Variants in KIDINS220 observed in about 807,000 individuals in gnomAD.
KIDINS220 encodes the protein kinase D interacting substrate 220.
In KIDINS220, 63 loss-of-function variants were observed where a neutral mutation model predicts 157.6. That is an observed-to-expected ratio of 0.40 (90% CI 0.33 to 0.49). The LOEUF is 0.49. KIDINS220 is among the 20% of genes least tolerant of loss of function. The probability of loss-of-function intolerance (pLI) is 0.66; values close to 1 mark genes in which losing one functional copy is unlikely to be tolerated. For missense variants in KIDINS220, 1,772 were observed against 2,171.2 expected (o/e 0.82, Z 3.65); for synonymous variants, 732 against 783.6 (o/e 0.93, Z 1.10).
chr2:8,788,613 T>A (rs199616933), intron 15 of KIDINS220, 34 bp downstream of exon 15: 6 of 1,589,420 alleles, frequency 3.8e-6, no homozygotes, highest in Admixed American at 3.6e-5. Flanking sequence ...CTGAATCTCA[T>A]TGAAGATTTC....
intron 2 of KIDINS220, among the ~76,000 whole-genome samples, chr2:8,826,381 G>C (rs938078106): frequency 6.6e-6 from 1 of 152,144 alleles, no homozygotes; most frequent in African/African-American, 2.4e-5. Context: ...GGCCAAGGTG[G>C]GCGGATCAAC....
Position 8,802,951 on chromosome 2 carries a change from T to G in KIDINS220, c.780A>C (p.Thr260=). 1 of 1,613,978 alleles carries G rather than the reference T, an allele frequency of 6.2e-7. No homozygotes were observed. The highest frequency in any genetic ancestry group is 8.5e-7 in the Non-Finnish European group (1 of 1,179,964). ...CTACCCTGTCAGGTATGTTCACATA[T>G]GTTCCAGCGTCGAGCAGATCCTGCA... The part of the protein sequence containing the change: ...EIVQDLLDAG[T]YVNIPDRSGD... The change falls in exon 8 of 30, where the codon ACA becomes ACC. Residue 260 remains threonine (T), a synonymous_variant. Transcript: ENST00000256707.
intron 10 of KIDINS220, 143 bp from the exon 11 acceptor site, chr2:8,797,012 C>G: frequency 1.5e-6 from 1 of 672,612 alleles, no homozygotes; most frequent in Non-Finnish European, 2.6e-6. Flanking sequence ...AAGCTAACAA[C>G]AAAAAAATGC....
chr2:8,805,937 A>G (rs991274487), intron 7 of KIDINS220, among the ~76,000 whole-genome samples: 3 of 152,158 alleles, frequency 2.0e-5, no homozygotes, highest in Non-Finnish European at 2.9e-5. Flanking sequence ...CACAATGGCA[A>G]AATCACCGAT....
intron 11 of KIDINS220, among the ~76,000 whole-genome samples, chr2:8,796,359 T>C (rs1447063381): frequency 2.6e-5 from 4 of 152,326 alleles, no homozygotes; most frequent in South Asian, 2.1e-4. Context: ...GAAAGGATTA[T>C]AGCAAGGACA....
intron 14 of KIDINS220, 56 bp downstream of exon 14, chr2:8,789,824 T>C: frequency 7.8e-7 from 1 of 1,282,756 alleles, no homozygotes; most frequent in Non-Finnish European, 1.1e-6. Context: ...TTTTTCTTTA[T>C]CTATGAATCT....
At chr2:8,773,476 CTTT>C (rs748234420) in intron 21 of KIDINS220, among the ~76,000 whole-genome samples, 2 of 139,278 alleles carry the variant, frequency 1.4e-5, no homozygotes, top group Admixed American at 7.2e-5. Context: ...TAGATTTTTT[CTTT>C]TTTTTTTTTT....
chr2:8,803,180 G>A (rs1409355508), intron 7 of KIDINS220, 53 bp from the exon 8 acceptor site: 19 of 1,369,248 alleles, frequency 1.4e-5, no homozygotes, highest in African/African-American at 1.4e-5. Flanking sequence ...AGAAATTAAT[G>A]TATTCTAGAA....
chr2:8,800,011 G>C (rs150778866), intron 9 of KIDINS220, among the ~76,000 whole-genome samples: 413 of 152,188 alleles, frequency 2.7e-3, no homozygotes, highest in Non-Finnish European at 5.0e-3. Flanking sequence ...AACAGTAGAA[G>C]AACAGCAGAT....
chr2:8,776,765 T>C lies in KIDINS220; in HGVS notation c.2831A>G (p.Asn944Ser). ...AAAGTCACCTGTCACAGAAACAATA[T>C]TAAGTAATCTTCTCATGGTCTGGGG... ...ISPQTMRRLLNIVSVTGRLLR... is the reference protein window; with the variant it reads ...ISPQTMRRLLSIVSVTGRLLR... Residue 944 changes from asparagine (N) to serine (S), a missense_variant, in exon 21 of 30, where the codon AAT becomes AGT. This residue lies in a region of KIDINS220 where 725 missense variants were observed against 1,017.1 expected (regional missense o/e 0.71). Coordinates refer to ENST00000256707, the MANE Select transcript of KIDINS220 (RefSeq NM_020738.4). The C allele has an allele frequency of 6.2e-7, 1 of 1,613,734 alleles. No homozygotes were observed. The highest frequency in any genetic ancestry group is 8.5e-7 in the Non-Finnish European group (1 of 1,179,858).
At chr2:8,753,707 T>C (rs1363490923) in intron 22 of KIDINS220, among the ~76,000 whole-genome samples, 2 of 152,228 alleles carry the variant, frequency 1.3e-5, no homozygotes, top group Non-Finnish European at 2.9e-5. Flanking sequence ...AACCTTATTC[T>C]AATGTTAGTA....
At chr2:8,734,260 T>C (rs767972935) in intron 28 of KIDINS220, among the ~76,000 whole-genome samples, 13 of 152,110 alleles carry the variant, frequency 8.5e-5, no homozygotes, top group Non-Finnish European at 1.6e-4. Flanking sequence ...CTGAGGGTGA[T>C]CACACATGTA....
intron 24 of KIDINS220, 137 bp from the exon 25 acceptor site, chr2:8,748,137 A>G: frequency 2.3e-6 from 1 of 438,614 alleles, no homozygotes; most frequent in Non-Finnish European, 4.0e-6. Flanking sequence ...AAAAAGCCTC[A>G]CTCATATTCC....
intron 12 of KIDINS220, 111 bp downstream of exon 12, chr2:8,793,699 C>G: frequency 2.0e-6 from 2 of 998,180 alleles, no homozygotes; most frequent in Non-Finnish European, 2.8e-6. Flanking sequence ...TCGGCCTCCT[C>G]AAGTGCTGGG....
At chr2:8,787,604 C>T (rs1205277135) in intron 15 of KIDINS220, among the ~76,000 whole-genome samples, 1 of 152,104 alleles carries the variant, frequency 6.6e-6, no homozygotes, top group East Asian at 1.9e-4. Context: ...TGAGCTCAAG[C>T]AATTGACCAC....
chr2:8,731,214 G>A lies in KIDINS220; in HGVS notation c.4822C>T (p.Gln1608Ter), dbSNP rs1446870493. 2.5e-6 allele frequency: 4 copies of A among 1,614,144 alleles called. No individual in the cohort carries two copies. The highest frequency in any genetic ancestry group is 3.4e-6 in the Non-Finnish European group (4 of 1,180,028). Reference sequence around the variant, plus strand: ...TCTATGAGATTTGCCTTTTCAAGCTGGGAGTCATCCGCCACTTCATTGTGC... The same window carrying A: ...TCTATGAGATTTGCCTTTTCAAGCTAGGAGTCATCCGCCACTTCATTGTGC... ...SLHNEVADDS[Q>*]LEKANLIELE... Residue 1608 changes from glutamine to a stop codon, truncating the protein, a stop_gained, in exon 30 of 30, where the codon CAG (glutamine) becomes TAG (stop). Transcript: ENST00000256707. LOFTEE classifies it low-confidence loss of function (END_TRUNC). This position sits in a 1 kb window ranked among gnomAD's most constrained non-coding sequence, Gnocchi z 5.2.
At position 8,731,097 on chromosome 2, in the gene KIDINS220, A is replaced by G; in HGVS notation, c.4939T>C (p.Ser1647Pro). The change falls in exon 30 of 30, where the codon TCA (serine) becomes CCA (proline). Residue 1647 changes from serine (S) to proline (P), a missense_variant. Physicochemically the swap from Ser to Pro is moderately conservative, Grantham distance 74 (BLOSUM62 -1). Transcript: ENST00000256707. This position sits in a 1 kb window ranked among gnomAD's most constrained non-coding sequence, Gnocchi z 5.2. ...DPIIARMSIC[S>P]EDKKSPSECS... ...TCGGAAGGGCTTTTCTTGTCTTCTG[A>G]ACAAATGGACATCCGAGCTATAATT... The G allele has an allele frequency of 6.2e-7, 1 of 1,614,168 alleles. No homozygotes were observed. The highest frequency in any genetic ancestry group is 8.5e-7 in the Non-Finnish European group (1 of 1,180,024).
In KIDINS220 at chr2:8,729,583, T is replaced by C; in HGVS notation, c.*1137A>G. 4.1e-6 allele frequency: 4 copies of C among 973,076 alleles called. No homozygotes were observed. Among genetic ancestry groups the C allele is most frequent in the Non-Finnish European group, 4.9e-6 (4 of 818,886 alleles). 60.3% of individuals were successfully genotyped at this position (973,076 alleles called of 1,614,324 possible). ...CACTTTTACAGTCACAGCACTTATATAGATATATATATATATTTTACCCTT... is the reference window on the plus strand; with the variant it reads ...CACTTTTACAGTCACAGCACTTATACAGATATATATATATATTTTACCCTT... On this transcript the variant is annotated 3_prime_UTR_variant, in exon 30 of 30. Coordinates refer to ENST00000256707, the MANE Select transcript of KIDINS220 (RefSeq NM_020738.4).
intron 22 of KIDINS220, among the ~76,000 whole-genome samples, chr2:8,763,387 C>A (rs987884318): frequency 2.0e-5 from 3 of 152,200 alleles, no homozygotes; most frequent in Non-Finnish European, 4.4e-5. Context: ...TCCAAAATCC[C>A]AAATGCTCCA....
Sources: gnomAD v4.1 joint callset for allele counts (sites outside exome capture counted in the v4.1 genomes callset) on GRCh38, gnomAD v4.1.1 for gene constraint, gnomAD v4.1.1 regional missense constraint, Gnocchi (gnomAD v3.1) non-coding constraint, MANE v1.5 for transcripts, NCBI Gene and HGNC (gene_info 2026-07-23, HGNC 2026-07-21) for gene names.